MIR2052HG: variants seen among roughly 807,000 people sequenced by gnomAD.
MIR2052HG encodes MIR2052 host gene.
chr8:74,644,842 A>G (rs1808675042), intron 2 of MIR2052HG, among the ~76,000 whole-genome samples: 1 of 152,038 alleles, frequency 6.6e-6, no homozygotes, highest in Admixed American at 6.6e-5. Flanking sequence ...AGTGAGCTAT[A>G]ATCATGCCAC....
chr8:74,746,762 T>G (rs1809892004), intron 4 of MIR2052HG, among the ~76,000 whole-genome samples: 1 of 152,040 alleles, frequency 6.6e-6, no homozygotes, highest in African/African-American at 2.4e-5. Context: ...TCACCCAAGC[T>G]AAATAGTTAA....
intron 4 of MIR2052HG, among the ~76,000 whole-genome samples, chr8:74,734,990 A>C (rs904729762): frequency 6.6e-6 from 1 of 152,232 alleles, no homozygotes; most frequent in African/African-American, 2.4e-5. Context: ...TGGCCTGGAC[A>C]GTAAAGAGGA....
intron 2 of MIR2052HG, among the ~76,000 whole-genome samples, chr8:74,676,127 C>T (rs1809048516): frequency 6.6e-6 from 1 of 151,856 alleles, no homozygotes; most frequent in South Asian, 2.1e-4. Flanking sequence ...AAAATGTGTT[C>T]CAACAATGTT....
At position 74,600,568 on chromosome 8, in the gene MIR2052HG, C is replaced by CA. The variant is rs369774569; in HGVS notation, n.128+671dup. On this transcript the variant is annotated intron_variant and non_coding_transcript_variant, in intron 1 of 6. Coordinates refer to ENST00000523442, the Ensembl canonical transcript of MIR2052HG. ...GGGCAACAAGAGCAAAACTCCCTCT[C>CA]AAAAAAAAAAAGAAAAAGGAAAAAA... 9.1e-3 allele frequency among the ~76,000 whole-genome samples: 1,089 copies of CA among 119,160 alleles called. 20 individuals are homozygous for CA. Among genetic ancestry groups the CA allele is most frequent in the African/African-American group, 0.031 (965 of 30,912 alleles). 78.2% of individuals were successfully genotyped at this position (119,160 alleles called of 152,430 possible). A position where few individuals can be genotyped will look rare whatever the true frequency, so the allele number is the denominator to read the frequency against.
chr8:74,750,827 A>G (rs760450358), intron 4 of MIR2052HG, among the ~76,000 whole-genome samples: 3 of 152,232 alleles, frequency 2.0e-5, no homozygotes, highest in Non-Finnish European at 4.4e-5. Context: ...ACATGCCATC[A>G]TGTGAATATA....
intron 5 of MIR2052HG, among the ~76,000 whole-genome samples, chr8:74,754,712 GTTA>G (rs1391275198): frequency 4.9e-4 from 61 of 124,744 alleles, no homozygotes; most frequent in Non-Finnish European, 6.5e-4. Flanking sequence ...ACCCCTGAAA[GTTA>G]GACGCAAGGG....
At chr8:74,712,694 T>C (rs1809481844) in intron 4 of MIR2052HG, among the ~76,000 whole-genome samples, 1 of 121,730 alleles carries the variant, frequency 8.2e-6, no homozygotes, top group Non-Finnish European at 1.7e-5. Context: ...CTTTAGCTTT[T>C]TCTGCCTTTT....
intron 2 of MIR2052HG, among the ~76,000 whole-genome samples, chr8:74,674,686 C>T (rs572253965): frequency 5.9e-5 from 9 of 151,780 alleles, no homozygotes; most frequent in East Asian, 1.9e-4. Flanking sequence ...TTCACCTTCT[C>T]GTTGCTAAAA....
At chr8:74,736,926 C>T (rs547870597) in intron 4 of MIR2052HG, among the ~76,000 whole-genome samples, 101 of 152,248 alleles carry the variant, frequency 6.6e-4, no homozygotes, top group African/African-American at 2.3e-3. Context: ...AGAATAGGGT[C>T]TGCAGAGAGG....
chr8:74,710,944 C>G (rs1199646246), intron 4 of MIR2052HG, among the ~76,000 whole-genome samples: 4 of 152,158 alleles, frequency 2.6e-5, no homozygotes, highest in African/African-American at 9.7e-5. Flanking sequence ...AACTGTGCCC[C>G]ACGTTTTGAC....
At chr8:74,747,496 A>G (rs1809899610) in intron 4 of MIR2052HG, among the ~76,000 whole-genome samples, 1 of 152,212 alleles carries the variant, frequency 6.6e-6, no homozygotes, top group African/African-American at 2.4e-5. Flanking sequence ...TACATTTGCT[A>G]AAAATATGTA....
At chr8:74,606,344 G>A (rs1038579667) in intron 1 of MIR2052HG, among the ~76,000 whole-genome samples, 1 of 152,118 alleles carries the variant, frequency 6.6e-6, no homozygotes, top group Non-Finnish European at 1.5e-5. Flanking sequence ...TCTTAGCTAA[G>A]GGAGAGTCAA....
chr8:74,673,555 T>C (rs908756103), intron 2 of MIR2052HG, among the ~76,000 whole-genome samples: 1 of 152,044 alleles, frequency 6.6e-6, no homozygotes, highest in African/African-American at 2.4e-5. Flanking sequence ...GTAAATATCC[T>C]TCTTTGCTTG....
chr8:74,666,653 A>G (rs1410970337), intron 2 of MIR2052HG, among the ~76,000 whole-genome samples: 1 of 152,202 alleles, frequency 6.6e-6, no homozygotes, highest in African/African-American at 2.4e-5. Context: ...AATGCCCAGC[A>G]TTCTGTCTGG....
At chr8:74,616,753 A>G (rs1808287925) in intron 2 of MIR2052HG, among the ~76,000 whole-genome samples, 1 of 152,100 alleles carries the variant, frequency 6.6e-6, no homozygotes, top group African/African-American at 2.4e-5. Context: ...CTCTGTCTTA[A>G]ACCTACCTGA....
chr8:74,723,424 G>T (rs1052088691), intron 4 of MIR2052HG, among the ~76,000 whole-genome samples: 2 of 152,182 alleles, frequency 1.3e-5, no homozygotes, highest in Non-Finnish European at 2.9e-5. Flanking sequence ...GTGTGTGATG[G>T]AAAGAGCCAA....
At chr8:74,669,686 C>T (rs767021002) in intron 2 of MIR2052HG, among the ~76,000 whole-genome samples, 9 of 152,206 alleles carry the variant, frequency 5.9e-5, no homozygotes, top group African/African-American at 1.4e-4. Flanking sequence ...TCTTTTTCAT[C>T]CCAGGGCATC....
intron 2 of MIR2052HG, among the ~76,000 whole-genome samples, chr8:74,688,289 ATTG>A (rs1809204270): frequency 6.6e-6 from 1 of 152,254 alleles, no homozygotes; most frequent in Non-Finnish European, 1.5e-5. Flanking sequence ...TTTTGTATAT[ATTG>A]TACAACAAAC....
intron 2 of MIR2052HG, among the ~76,000 whole-genome samples, chr8:74,669,020 C>A (rs966868135): frequency 2.0e-5 from 3 of 152,152 alleles, no homozygotes. Context: ...CCTGATGAAC[C>A]CAACTAGCTA....
Sources: allele counts gnomAD v4.1 joint callset (sites outside exome capture counted in the v4.1 genomes callset), GRCh38; gene constraint gnomAD v4.1.1; transcripts MANE v1.5; gene names NCBI Gene and HGNC (gene_info 2026-07-23, HGNC 2026-07-21).